LARP1B: variants seen among roughly 807,000 people sequenced by gnomAD.
The protein encoded by LARP1B is la-related protein 1B.
LARP1B carries 76 observed loss-of-function variants against 114.2 expected under a neutral mutation model. The observed-to-expected ratio is 0.67, with a 90% confidence interval of 0.55 to 0.81. The LOEUF is 0.81. Among genes scored for constraint, LARP1B ranks in the 30% least tolerant of loss-of-function variants. The pLI is 0.00. For missense variants in LARP1B, 1,014 were observed against 1,075.8 expected, an observed-to-expected ratio of 0.94 and a Z score of 0.80; for synonymous variants, 345 against 348.0, an observed-to-expected ratio of 0.99 and a Z score of 0.10.
At chr4:128,098,161 A>G in intron 7 of LARP1B, 25 bp from the exon 8 acceptor site, 3 of 1,564,314 alleles carry the variant, frequency 1.9e-6, no homozygotes, top group Non-Finnish European at 2.6e-6. Context: ...AAATAAATGG[A>G]TGAAATTCTG....
chr4:128,125,471 G>A (rs1789253777), intron 11 of LARP1B, among the ~76,000 whole-genome samples: 1 of 152,260 alleles, frequency 6.6e-6, no homozygotes, highest in Non-Finnish European at 1.5e-5. Context: ...TTTTCTGGCT[G>A]GCGCAGTGGC....
intron 6 of LARP1B, chr4:128,220,321 A>G: frequency 1.2e-6 from 1 of 859,712 alleles, no homozygotes; most frequent in Non-Finnish European, 1.4e-6. Context: ...CTTGGCTTTT[A>G]TGTAACTATT....
chr4:128,172,937 ATGTGTGTGTGTGTGTG>A (rs57382183), intron 12 of LARP1B, among the ~76,000 whole-genome samples: 2 of 137,000 alleles, frequency 1.5e-5, no homozygotes, highest in Non-Finnish European at 3.2e-5. Context: ...ATCCCATCCA[ATGTGTGTGTGTGTGTG>A]TGTGTGTGTG....
At chr4:128,091,165 C>T (rs772237727) in intron 6 of LARP1B, 21 bp downstream of exon 6, 22 of 1,601,234 alleles carry the variant, frequency 1.4e-5, no homozygotes, top group East Asian at 6.7e-5. Context: ...ATTTTTGTTT[C>T]GTTAAATTAG....
chr4:128,091,643 CTGGAG>C (rs1775957156), intron 7 of LARP1B, 131 bp downstream of exon 7: 10 of 649,252 alleles, frequency 1.5e-5, no homozygotes, highest in Non-Finnish European at 2.5e-5. Flanking sequence ...GTTGCCCAGG[CTGGAG>C]TGTAGTGGTA....
chr4:128,128,439 A>G (rs902626053), intron 11 of LARP1B, among the ~76,000 whole-genome samples: 9 of 152,238 alleles, frequency 5.9e-5, no homozygotes, highest in African/African-American at 2.2e-4. Context: ...CCAACCTACC[A>G]CACATCATAG....
intron 15 of LARP1B, among the ~76,000 whole-genome samples, chr4:128,192,946 C>T (rs1578559311): frequency 6.6e-6 from 1 of 152,174 alleles, no homozygotes; most frequent in African/African-American, 2.4e-5. Context: ...AGTCCTCCCA[C>T]CTTAACCTCA....
intron 5 of LARP1B, among the ~76,000 whole-genome samples, chr4:128,090,609 G>C (rs2149568303): frequency 6.6e-6 from 1 of 152,198 alleles, no homozygotes; most frequent in South Asian, 2.1e-4. Flanking sequence ...ACTTTATAAG[G>C]AATGTCATTT....
intron 11 of LARP1B, among the ~76,000 whole-genome samples, chr4:128,137,015 A>C (rs1725624614): frequency 6.6e-6 from 1 of 152,230 alleles, no homozygotes; most frequent in South Asian, 2.1e-4. Flanking sequence ...AAATTAATGG[A>C]AATTAGAAAA....
intron 12 of LARP1B, among the ~76,000 whole-genome samples, chr4:128,176,514 G>C (rs566246827): frequency 1.3e-5 from 2 of 151,714 alleles, no homozygotes; most frequent in Admixed American, 1.3e-4. Flanking sequence ...GGCTGGTCTC[G>C]AGCTGCTGAC....
chr4:128,093,133 A>G, intron 7 of LARP1B: 1 of 650,954 alleles, frequency 1.5e-6, no homozygotes, highest in Non-Finnish European at 1.9e-6. Context: ...GATTTTGGCA[A>G]ATGTTAGTAG....
chr4:128,122,548 A>G (rs1580706756), intron 11 of LARP1B: 4 of 1,526,926 alleles, frequency 2.6e-6, no homozygotes, highest in Non-Finnish European at 3.5e-6. Flanking sequence ...GACAGGCTTA[A>G]TTTATATGCT....
chr4:128,065,253 A>ATTTC (rs199707342), intron 1 of LARP1B, among the ~76,000 whole-genome samples: 3,485 of 88,836 alleles, frequency 0.039, 102 homozygotes, highest in African/African-American at 0.053. Flanking sequence ...CCCACAATTA[A>ATTTC]TTTCTTTCTT....
chr4:128,205,024 T>G (rs1757176167), intron 17 of LARP1B, among the ~76,000 whole-genome samples: 1 of 152,240 alleles, frequency 6.6e-6, no homozygotes, highest in Non-Finnish European at 1.5e-5. Context: ...TTTGTCATTC[T>G]GAACTGTGGT....
chr4:128,191,745 A>T (rs774990001), intron 15 of LARP1B, among the ~76,000 whole-genome samples: 2 of 151,886 alleles, frequency 1.3e-5, no homozygotes, highest in Non-Finnish European at 2.9e-5. Context: ...TTCTGCCTTC[A>T]TGATTTTTTT....
intron 9 of LARP1B, among the ~76,000 whole-genome samples, chr4:128,112,349 G>A (rs1229909256): frequency 6.6e-6 from 1 of 151,618 alleles, no homozygotes; most frequent in African/African-American, 2.4e-5. Flanking sequence ...TTTTTTAGCG[G>A]GGTTGGGAGT....
chr4:128,194,742 T>C (rs6816751), intron 15 of LARP1B, among the ~76,000 whole-genome samples: 93,874 of 144,794 alleles, frequency 0.65, 30,605 homozygotes, highest in Middle Eastern at 0.81. Context: ...TGGCGCTCAC[T>C]GGTAATCCCA....
chr4:128,098,851 C>T (rs1779239750), intron 8 of LARP1B, among the ~76,000 whole-genome samples: 1 of 142,470 alleles, frequency 7.0e-6, no homozygotes, highest in African/African-American at 2.6e-5. Context: ...GATATCGGCT[C>T]ACCACAACAT....
chr4:128,205,113 G>C (rs1757208843), intron 17 of LARP1B, among the ~76,000 whole-genome samples: 1 of 152,190 alleles, frequency 6.6e-6, no homozygotes, highest in African/African-American at 2.4e-5. Flanking sequence ...GGGAGCCAAG[G>C]GCTCAGGTTG....
Sources: allele counts gnomAD v4.1 joint callset (sites outside exome capture counted in the v4.1 genomes callset), GRCh38; gene constraint gnomAD v4.1.1; transcripts MANE v1.5; gene names NCBI Gene and HGNC (gene_info 2026-07-23, HGNC 2026-07-21).